The following RAP1GAP2 variants were observed in gnomAD, a reference collection of about 807,000 sequenced individuals.
RAP1GAP2 encodes the protein RAP1 GTPase activating protein 2, also known as rap1 GTPase-activating protein 2.
In RAP1GAP2, 27 loss-of-function variants were observed where a neutral mutation model predicts 95.0. The observed-to-expected ratio is 0.28, with a 90% CI of 0.21 to 0.39. RAP1GAP2 has a LOEUF of 0.39. Among genes scored for constraint, RAP1GAP2 ranks in the 10% least tolerant of loss-of-function variants. The pLI is 1.00. For missense variants in RAP1GAP2, 771 were observed against 970.0 expected (o/e 0.79, Z 2.72); for synonymous variants, 373 against 380.9 (o/e 0.98, Z 0.24).
chr17:2,818,183 A>G (rs2070117279), intron 2 of RAP1GAP2, among the ~76,000 whole-genome samples: 1 of 151,994 alleles, frequency 6.6e-6, no homozygotes, highest in Non-Finnish European at 1.5e-5. Flanking sequence ...GAAATAAAAC[A>G]CACACATAAA....
upstream of RAP1GAP2, among the ~76,000 whole-genome samples, chr17:2,773,257 A>G (rs1020163298): frequency 3.3e-5 from 5 of 152,194 alleles, no homozygotes; most frequent in African/African-American, 1.2e-4. Flanking sequence ...CACTTAGACA[A>G]GGAAGACGTG....
chr17:2,928,741 C>T (rs1416128553), intron 3 of RAP1GAP2, among the ~76,000 whole-genome samples: 4 of 151,996 alleles, frequency 2.6e-5, no homozygotes, highest in Admixed American at 6.6e-5. Context: ...TCGCTTGATG[C>T]GTGTGGGGGC....
In RAP1GAP2 at chr17:2,824,754, A is replaced by AG. The variant is rs199765960; in HGVS notation, c.80+24204_80+24205insG. ...AAACTCTGTCTCAAAAAAAAAAAAA[A>AG]AAAAAAAAAGAAATAGCATATGGGT... On this transcript the variant is annotated intron_variant, in intron 2 of 24. Transcript: ENST00000254695. Among the ~76,000 whole-genome samples the AG allele has an allele frequency of 6.5e-3, 971 of 150,212 alleles. 18 individuals carry two copies. Among genetic ancestry groups the AG allele is most frequent in the African/African-American group, 0.021 (856 of 40,562 alleles).
At position 2,995,364 on chromosome 17, in the gene RAP1GAP2, C is replaced by T. The variant is rs202071168; in HGVS notation, c.942C>T (p.His314=). The change falls in exon 13 of 25, where the codon CAC becomes CAT. Residue 314 remains histidine, a synonymous_variant. Coordinates refer to ENST00000254695, the MANE Select transcript of RAP1GAP2 (RefSeq NM_015085.5). ...TCCGAGGAGGCCTGGACGTGACCCA[C>T]GGACAGACAGGGGTGGAATCAGTGT... ...KGFRGGLDVT[H]GQTGVESVYT... The T allele has an allele frequency of 5.4e-5, 87 of 1,613,754 alleles. 1 individual carries two copies. The highest frequency in any genetic ancestry group is 5.0e-4 in the Admixed American group (30 of 60,020).
chr17:2,910,679 C>T (rs907968770), intron 3 of RAP1GAP2, among the ~76,000 whole-genome samples: 1 of 152,170 alleles, frequency 6.6e-6, no homozygotes, highest in African/African-American at 2.4e-5. Flanking sequence ...ACTCTCCCAA[C>T]GCAACGCCGT....
intron 3 of RAP1GAP2, among the ~76,000 whole-genome samples, chr17:2,912,578 A>C (rs1446181056): frequency 6.6e-6 from 1 of 152,036 alleles, no homozygotes; most frequent in East Asian, 1.9e-4. Context: ...TTCCCTCTTC[A>C]AGAAAACCCT....
At chr17:3,001,607 C>T (rs1204149188) in intron 14 of RAP1GAP2, among the ~76,000 whole-genome samples, 3 of 147,618 alleles carry the variant, frequency 2.0e-5, no homozygotes, top group East Asian at 4.0e-4. Context: ...GCCTCAGGGC[C>T]TTCCTGATGC....
intron 2 of RAP1GAP2, among the ~76,000 whole-genome samples, chr17:2,896,474 C>T (rs1195009168): frequency 6.6e-6 from 1 of 152,184 alleles, no homozygotes; most frequent in Non-Finnish European, 1.5e-5. Flanking sequence ...CTCGTATTTT[C>T]TGACTCTGTG....
intron 14 of RAP1GAP2, among the ~76,000 whole-genome samples, chr17:3,002,432 G>C (rs1158477224): frequency 6.6e-6 from 1 of 152,186 alleles, no homozygotes; most frequent in South Asian, 2.1e-4. Context: ...AGGCCAGGGA[G>C]GGGGACCAGC....
chr17:2,831,501 T>A (rs2070851195), intron 2 of RAP1GAP2, among the ~76,000 whole-genome samples: 1 of 152,158 alleles, frequency 6.6e-6, no homozygotes, highest in Admixed American at 6.6e-5. Flanking sequence ...CCATTCCTTT[T>A]AAAAATAACT....
intron 16 of RAP1GAP2, among the ~76,000 whole-genome samples, chr17:3,006,468 C>G (rs1449057972): frequency 1.4e-5 from 2 of 146,256 alleles, no homozygotes; most frequent in African/African-American, 5.1e-5. Context: ...GAATCTCACT[C>G]TGTCACCCAG....
chr17:2,974,930 G>A (rs1194962987), intron 8 of RAP1GAP2, among the ~76,000 whole-genome samples: 4 of 152,098 alleles, frequency 2.6e-5, no homozygotes, highest in African/African-American at 9.7e-5. Flanking sequence ...TAAAATGATG[G>A]TTTAGAAATA....
At chr17:2,794,188 CTCT>C (rs986847934), upstream of RAP1GAP2, among the ~76,000 whole-genome samples, 2 of 152,078 alleles carry the variant, frequency 1.3e-5, no homozygotes, top group African/African-American at 4.8e-5. Context: ...TTTCCCCACA[CTCT>C]CCACAGCCCC....
At chr17:2,958,417 C>T (rs1004690001) in intron 4 of RAP1GAP2, among the ~76,000 whole-genome samples, 2 of 151,984 alleles carry the variant, frequency 1.3e-5, no homozygotes, top group African/African-American at 4.8e-5. Context: ...AGAGCTGCTG[C>T]CCTGGGGAGT....
intron 2 of RAP1GAP2, among the ~76,000 whole-genome samples, chr17:2,818,189 A>G (rs2070117744): frequency 6.6e-6 from 1 of 151,900 alleles, no homozygotes; most frequent in Non-Finnish European, 1.5e-5. Flanking sequence ...AAACACACAC[A>G]TAAAGTTAAG....
intron 1 of RAP1GAP2, among the ~76,000 whole-genome samples, chr17:2,787,724 C>T (rs1040156441): frequency 6.6e-6 from 1 of 152,092 alleles, no homozygotes; most frequent in Non-Finnish European, 1.5e-5. Flanking sequence ...CATGCCGCCA[C>T]ACCTGGCTAA....
At chr17:2,811,132 C>A (rs749437074) in intron 2 of RAP1GAP2, among the ~76,000 whole-genome samples, 1 of 152,146 alleles carries the variant, frequency 6.6e-6, no homozygotes, top group Non-Finnish European at 1.5e-5. Flanking sequence ...CCTGAGTCTT[C>A]CCTTCCCTCC....
At chr17:2,955,744 C>G (rs535207408) in intron 3 of RAP1GAP2, among the ~76,000 whole-genome samples, 10 of 152,018 alleles carry the variant, frequency 6.6e-5, no homozygotes, top group African/African-American at 2.4e-4. Context: ...CTATTTCTTA[C>G]TGAGTCAGTT....
At chr17:2,763,291 G>T (rs903841728) in intron 1 of RAP1GAP2, among the ~76,000 whole-genome samples, 2 of 152,158 alleles carry the variant, frequency 1.3e-5, no homozygotes, top group African/African-American at 4.8e-5. Context: ...GCTGTGTAAG[G>T]ATGTTGTGGG....
Sources: gnomAD v4.1 joint callset for allele counts (sites outside exome capture counted in the v4.1 genomes callset) on GRCh38, gnomAD v4.1.1 for gene constraint, MANE v1.5 for transcripts, NCBI Gene and HGNC (gene_info 2026-07-23, HGNC 2026-07-21) for gene names.